NCAM2: variants seen among roughly 807,000 people sequenced by gnomAD.
NCAM2 encodes the protein neural cell adhesion molecule 2.
NCAM2 carries 30 observed loss-of-function variants against 98.1 expected under a neutral mutation model. The observed-to-expected ratio is 0.31, with a 90% CI of 0.23 to 0.41. NCAM2 has a LOEUF of 0.41. Among genes scored for constraint, NCAM2 ranks in the 10% least tolerant of loss-of-function variants. NCAM2 has a pLI of 1.00. For synonymous variants in NCAM2, 368 were observed against 342.4 expected, an observed-to-expected ratio of 1.07 and a Z score of -0.83; for missense variants, 867 against 1,005.8, an observed-to-expected ratio of 0.86 and a Z score of 1.87.
chr21:21,233,386 A>G (rs1045278621), intron 1 of NCAM2, among the ~76,000 whole-genome samples: 3 of 151,666 alleles, frequency 2.0e-5, no homozygotes, highest in Non-Finnish European at 4.4e-5. Flanking sequence ...ATGACCTCTC[A>G]TAGAATATGA....
chr21:21,241,015 A>G (rs1454902408), intron 1 of NCAM2, among the ~76,000 whole-genome samples: 1 of 152,126 alleles, frequency 6.6e-6, no homozygotes, highest in Non-Finnish European at 1.5e-5. Context: ...TTATATGACA[A>G]TATCTTATAT....
At position 21,512,427 on chromosome 21, in the gene NCAM2, C is replaced by T. The variant is rs758097433; in HGVS notation, c.2282+3372C>T. ...CATGGGTTTATGTCTGGGTTCTCTA[C>T]GCCATTTCACTTGGTCTGTGTGTCT... On this transcript the variant is annotated intron_variant, in intron 16 of 17. Coordinates refer to ENST00000400546, the MANE Select transcript of NCAM2 (RefSeq NM_004540.5). Among the ~76,000 whole-genome samples the T allele has an allele frequency of 6.6e-5, 10 of 151,826 alleles. No homozygotes were observed. The South Asian group carries it at 8.3e-4, about 13-fold the overall frequency.
At position 21,477,350 on chromosome 21, in the gene NCAM2, T is replaced by G; in HGVS notation, c.1956T>G (p.Ile652Met). 6.2e-7 allele frequency: 1 copy of G among 1,610,322 alleles called. No individual in the cohort carries two copies. ...KKVQGNKDHI[I>M]LEHLQWTMGY... ...TGCAAGGAAATAAAGACCACATCAT[T>G]TTGGAGCATCTCCAGTGGACCATGG... The change falls in exon 15 of 18, where the codon ATT becomes ATG. Residue 652 changes from isoleucine (I) to methionine (M), a missense_variant. By Grantham distance (10) the Ile-to-Met change is conservative (BLOSUM62 1). Around this residue, in one of 5 missense-constraint regions of NCAM2, gnomAD observed 234 missense variants for 333.8 expected, o/e 0.70. Transcript: ENST00000400546.
chr21:21,246,480 T>C, intron 1 of NCAM2, among the ~76,000 whole-genome samples: 1 of 152,186 alleles, frequency 6.6e-6, no homozygotes, highest in East Asian at 1.9e-4. Context: ...TATATTTGCA[T>C]ACAAAGAGAT....
At chr21:21,188,713 G>T (rs1470105604) in intron 1 of NCAM2, among the ~76,000 whole-genome samples, 1 of 152,162 alleles carries the variant, frequency 6.6e-6, no homozygotes, top group Non-Finnish European at 1.5e-5. Flanking sequence ...TAATGCCAGT[G>T]AATTGCAGGG....
intron 12 of NCAM2, among the ~76,000 whole-genome samples, chr21:21,434,805 T>A (rs1395925613): frequency 6.6e-6 from 1 of 152,192 alleles, no homozygotes; most frequent in Non-Finnish European, 1.5e-5. Flanking sequence ...CTGGCCTCCA[T>A]GAAAGATAAA....
intron 4 of NCAM2, among the ~76,000 whole-genome samples, chr21:21,290,722 G>A (rs1365710994): frequency 1.3e-5 from 2 of 151,758 alleles, no homozygotes; most frequent in East Asian, 1.9e-4. Context: ...TAAACAAAAA[G>A]CAACTACAGG....
chr21:21,259,260 G>A (rs1346357565), intron 1 of NCAM2, among the ~76,000 whole-genome samples: 1 of 152,148 alleles, frequency 6.6e-6, no homozygotes, highest in Non-Finnish European at 1.5e-5. Context: ...TGAGAGAAGA[G>A]TCTCTGTGCT....
At chr21:21,534,825 C>T (rs903403486) in intron 17 of NCAM2, among the ~76,000 whole-genome samples, 169 bp downstream of exon 17, 6 of 152,134 alleles carry the variant, frequency 3.9e-5, no homozygotes, top group South Asian at 2.1e-4. Context: ...TCTAAGGAGA[C>T]ATTTTTCATG....
intron 1 of NCAM2, among the ~76,000 whole-genome samples, chr21:21,155,844 T>G (rs1354894192): frequency 6.6e-6 from 1 of 152,000 alleles, no homozygotes; most frequent in African/African-American, 2.4e-5. Context: ...TTTTAAAAAA[T>G]ATTTTCATTG....
intron 9 of NCAM2, among the ~76,000 whole-genome samples, chr21:21,388,441 C>T (rs1486854651): frequency 1.3e-5 from 2 of 152,086 alleles, no homozygotes; most frequent in Non-Finnish European, 2.9e-5. Flanking sequence ...AAGAGCAATT[C>T]TAGGAAATTC....
At chr21:21,376,921 G>C (rs1355089270) in intron 9 of NCAM2, among the ~76,000 whole-genome samples, 3 of 151,558 alleles carry the variant, frequency 2.0e-5, no homozygotes, top group Admixed American at 6.6e-5. Flanking sequence ...GATTATTATT[G>C]CCGCCATCTT....
intron 1 of NCAM2, among the ~76,000 whole-genome samples, chr21:21,158,011 T>A (rs2067667398): frequency 6.6e-6 from 1 of 152,172 alleles, no homozygotes; most frequent in Non-Finnish European, 1.5e-5. Context: ...GAACCTCACT[T>A]CTGAAACTTA....
intron 1 of NCAM2, among the ~76,000 whole-genome samples, chr21:21,033,043 C>G (rs2064722362): frequency 6.6e-6 from 1 of 151,426 alleles, no homozygotes. Flanking sequence ...CTCCTGGGTT[C>G]AAAGGTTTCT....
intron 8 of NCAM2, among the ~76,000 whole-genome samples, chr21:21,360,016 C>A (rs1375598393): frequency 6.6e-6 from 1 of 151,762 alleles, no homozygotes; most frequent in African/African-American, 2.4e-5. Flanking sequence ...AAATTATATA[C>A]AAGTAAGTAT....
At position 21,284,219 on chromosome 21, in the gene NCAM2, T is replaced by C. The variant is rs1326472651; in HGVS notation, c.156T>C (p.Asp52=). 8 of 1,612,150 alleles carry C rather than the reference T, an allele frequency of 5.0e-6. No individual in the cohort carries two copies. The highest frequency in any genetic ancestry group is 6.8e-6 in the Non-Finnish European group (8 of 1,178,528). Residue 52 remains aspartate, a synonymous_variant, in exon 3 of 18, where the codon GAT becomes GAC. Coordinates refer to ENST00000400546, the MANE Select transcript of NCAM2 (RefSeq NM_004540.5). ...CGATTGGTGAACCTGAAAGTATAGA[T>C]TGGTATAATCCTCAAGGAGAGAAGA... is the stretch of plus-strand genomic sequence containing the variant. ...CTAIGEPESI[D]WYNPQGEKII... is the part of the protein sequence containing the mutation.
intron 1 of NCAM2, among the ~76,000 whole-genome samples, chr21:21,025,967 T>A (rs1270014953): frequency 1.3e-5 from 2 of 152,230 alleles, no homozygotes; most frequent in East Asian, 3.9e-4. Context: ...TCAATATTTT[T>A]AATTGAATTG....
At chr21:21,263,880 A>G (rs2072020398) in intron 1 of NCAM2, among the ~76,000 whole-genome samples, 1 of 152,112 alleles carries the variant, frequency 6.6e-6, no homozygotes, top group Non-Finnish European at 1.5e-5. Context: ...GGACTTAAAT[A>G]TAAAGTCCAA....
At chr21:21,307,427 C>T (rs1354322041) in intron 5 of NCAM2, among the ~76,000 whole-genome samples, 2 of 152,076 alleles carry the variant, frequency 1.3e-5, no homozygotes, top group Non-Finnish European at 2.9e-5. Context: ...TCTATTTCTG[C>T]TCCAACAAAT....
Sources: gnomAD v4.1 joint callset for allele counts (sites outside exome capture counted in the v4.1 genomes callset) on GRCh38, gnomAD v4.1.1 for gene constraint, gnomAD v4.1.1 regional missense constraint, MANE v1.5 for transcripts, NCBI Gene and HGNC (gene_info 2026-07-23, HGNC 2026-07-21) for gene names.